PDE4B: variants seen among roughly 807,000 people sequenced by gnomAD.
PDE4B encodes the protein phosphodiesterase 4B.
A neutral mutation model predicts 82.2 loss-of-function variants in PDE4B; 20 were observed. The observed-to-expected ratio is 0.24, with a 90% CI of 0.17 to 0.35. PDE4B has a LOEUF of 0.35. Among genes scored for constraint, PDE4B ranks in the 10% least tolerant of loss-of-function variants. The pLI, the probability that PDE4B is intolerant of heterozygous loss-of-function variation, is 1.00. For missense variants in PDE4B, 655 were observed against 907.2 expected (o/e 0.72, Z 3.57); for synonymous variants, 320 against 318.9 (o/e 1.00, Z -0.04).
chr1:65,989,281 A>G lies in PDE4B; in HGVS notation c.281+70446A>G, dbSNP rs1651116059. 2.0e-5 allele frequency among the ~76,000 whole-genome samples: 3 copies of G among 152,228 alleles called. 1 individual carries two copies. Among genetic ancestry groups the G allele is most frequent in the South Asian group, 2.1e-4 (1 of 4,822 alleles). ...TTTGGGAGGCTGAGGCAGGCAGATT[A>G]CATGAGGCCAGGAGTTTGAGACCAG... On this transcript the variant is annotated intron_variant, in intron 3 of 16. Transcript: ENST00000341517.
chr1:66,167,071 A>G (rs886427858), intron 3 of PDE4B, among the ~76,000 whole-genome samples: 9 of 152,242 alleles, frequency 5.9e-5, no homozygotes, highest in African/African-American at 2.2e-4. Context: ...GAGAGAATGT[A>G]GGGAAATTGG....
At chr1:66,129,284 G>A (rs959544189) in intron 3 of PDE4B, among the ~76,000 whole-genome samples, 4 of 152,298 alleles carry the variant, frequency 2.6e-5, no homozygotes, top group South Asian at 4.2e-4. Context: ...TGAAATTACA[G>A]TGGGTGGGGA....
At chr1:65,913,712 A>C (rs543762606) in intron 2 of PDE4B, among the ~76,000 whole-genome samples, 3 of 152,286 alleles carry the variant, frequency 2.0e-5, no homozygotes, top group African/African-American at 7.2e-5. Flanking sequence ...ATGTACAGCT[A>C]ACCCTTGAAA....
At chr1:66,065,573 T>C (rs1310430704) in intron 3 of PDE4B, among the ~76,000 whole-genome samples, 1 of 151,854 alleles carries the variant, frequency 6.6e-6, no homozygotes, top group African/African-American at 2.4e-5. Context: ...GGGAACTGTA[T>C]TGTACTTCTT....
chr1:65,810,860 T>C (rs1557758589), intron 1 of PDE4B, among the ~76,000 whole-genome samples: 1 of 152,234 alleles, frequency 6.6e-6, no homozygotes, highest in African/African-American at 2.4e-5. Context: ...AGTGAGTTAA[T>C]GTGGAGGATC....
chr1:66,116,974 T>A (rs1240883912), intron 3 of PDE4B, among the ~76,000 whole-genome samples: 1 of 152,140 alleles, frequency 6.6e-6, no homozygotes, highest in Non-Finnish European at 1.5e-5. Context: ...TTGCCACCCC[T>A]CCAATCCAGC....
rs527493706 is a variant in PDE4B at position 66,000,538 on chromosome 1, G to A, written c.281+81703G>A. On this transcript the variant is annotated intron_variant, in intron 3 of 16. Coordinates refer to ENST00000341517, the MANE Select transcript of PDE4B (RefSeq NM_002600.4). ...CATTTTTTCTTTCCTGAACTAGGAG[G>A]TTGGGGACCTCTGTCACTGGTAGTA... Among the ~76,000 whole-genome samples, 276 of 152,288 alleles carry A rather than the reference G, an allele frequency of 1.8e-3. 2 individuals carry two copies. Among genetic ancestry groups the A allele is most frequent in the South Asian group, 4.6e-3 (22 of 4,826 alleles).
At chr1:66,096,912 G>A (rs889740712) in intron 3 of PDE4B, among the ~76,000 whole-genome samples, 14 of 151,798 alleles carry the variant, frequency 9.2e-5, no homozygotes, top group African/African-American at 4.8e-5. Context: ...GCTTCTGAGA[G>A]TCATCCATGT....
At chr1:66,069,226 G>A (rs1570143397) in intron 3 of PDE4B, among the ~76,000 whole-genome samples, 1 of 152,092 alleles carries the variant, frequency 6.6e-6, no homozygotes, top group East Asian at 1.9e-4. Context: ...TTCCAATCAT[G>A]TTCCCATTAT....
chr1:65,937,006 C>T (rs150548695), intron 3 of PDE4B, among the ~76,000 whole-genome samples: 13 of 152,226 alleles, frequency 8.5e-5, no homozygotes, highest in East Asian at 5.8e-4. Context: ...GGAAGAGGCA[C>T]GGAAATAAAG....
chr1:66,341,967 G>A (rs1219849200), intron 8 of PDE4B, among the ~76,000 whole-genome samples: 1 of 152,208 alleles, frequency 6.6e-6, no homozygotes, highest in African/African-American at 2.4e-5. Context: ...CAGCTGCCTT[G>A]TAAATAGTTT....
At chr1:65,894,711 C>T (rs1406921875) in intron 1 of PDE4B, among the ~76,000 whole-genome samples, 1 of 152,006 alleles carries the variant, frequency 6.6e-6, no homozygotes, top group African/African-American at 2.4e-5. Flanking sequence ...GGGGAAAAGT[C>T]GAACATCATT....
At chr1:65,975,379 A>T (rs1437344008) in intron 3 of PDE4B, among the ~76,000 whole-genome samples, 1 of 152,210 alleles carries the variant, frequency 6.6e-6, no homozygotes, top group Non-Finnish European at 1.5e-5. Flanking sequence ...GGGCAAAGAG[A>T]TTATCTGAAA....
At chr1:66,235,268 T>A (rs572488707) in intron 3 of PDE4B, among the ~76,000 whole-genome samples, 1 of 152,338 alleles carries the variant, frequency 6.6e-6, no homozygotes, top group Middle Eastern at 3.4e-3. Flanking sequence ...TTCTATATCC[T>A]TACTGGGTTT....
rs537280617 is a variant in PDE4B, at chr1:65,877,754, A to T, written c.-70-35491A>T. On this transcript the variant is annotated intron_variant, in intron 1 of 16. Coordinates refer to ENST00000341517, the MANE Select transcript of PDE4B (RefSeq NM_002600.4). Reference sequence around the variant, plus strand: ...TTAACTCAAGATGGATTAAAGACTTAAACATAAAACCTAAAACCATAAAAA... The same window carrying T: ...TTAACTCAAGATGGATTAAAGACTTTAACATAAAACCTAAAACCATAAAAA... Among the ~76,000 whole-genome samples, 74 of 152,200 alleles carry T rather than the reference A, an allele frequency of 4.9e-4. 1 individual carries two copies. The highest frequency in any genetic ancestry group is 1.6e-3 in the African/African-American group (68 of 41,572).
At chr1:65,922,104 A>C (rs577916922) in intron 3 of PDE4B, among the ~76,000 whole-genome samples, 19 of 152,340 alleles carry the variant, frequency 1.2e-4, no homozygotes, top group Non-Finnish European at 2.1e-4. Context: ...ATGGAGCAAG[A>C]AAGAGTTAGA....
intron 1 of PDE4B, among the ~76,000 whole-genome samples, chr1:65,884,342 A>C (rs1443668786): frequency 6.6e-6 from 1 of 152,056 alleles, no homozygotes; most frequent in Non-Finnish European, 1.5e-5. Flanking sequence ...AGAGCCTGTT[A>C]TTGGTCTATT....
chr1:66,088,487 C>G (rs955661467), intron 3 of PDE4B, among the ~76,000 whole-genome samples: 2 of 152,126 alleles, frequency 1.3e-5, no homozygotes, highest in South Asian at 2.1e-4. Context: ...ATAACCTATT[C>G]GTACAGCTGC....
chr1:65,913,731 C>T (rs1257636174), intron 2 of PDE4B, among the ~76,000 whole-genome samples: 5 of 152,154 alleles, frequency 3.3e-5, no homozygotes, highest in Non-Finnish European at 7.4e-5. Flanking sequence ...AAGTCACTTC[C>T]TGTGGTGGGG....
Sources: gnomAD v4.1 joint callset for allele counts (sites outside exome capture counted in the v4.1 genomes callset) on GRCh38, gnomAD v4.1.1 for gene constraint, MANE v1.5 for transcripts, NCBI Gene and HGNC (gene_info 2026-07-23, HGNC 2026-07-21) for gene names.